BIRC6: variants seen among roughly 807,000 people sequenced by gnomAD.
BIRC6 encodes the protein dual E2 ubiquitin-conjugating enzyme/E3 ubiquitin-protein ligase BIRC6.
A neutral mutation model predicts 503.3 loss-of-function variants in BIRC6; 98 were observed. The ratio of observed to expected loss-of-function variants is 0.19; its 90% CI spans 0.17 to 0.23. BIRC6 has a LOEUF of 0.23. BIRC6 is among the 10% of genes least tolerant of loss of function. The pLI is 1.00. For synonymous variants in BIRC6, 2,240 were observed against 2,078.7 expected (o/e 1.08, Z -2.11); for missense variants, 5,360 against 5,806.0 (o/e 0.92, Z 2.50).
chr2:32,545,643 G>A lies in BIRC6; in HGVS notation c.12593G>A (p.Ser4198Asn). 1 of 1,610,572 alleles carries A rather than the reference G, an allele frequency of 6.2e-7. No homozygotes were observed. The highest frequency in any genetic ancestry group is 1.1e-5 in the South Asian group (1 of 91,022). The change falls in exon 63 of 74, where the codon AGT becomes AAT. Residue 4198 changes from serine to asparagine, a missense_variant and splice_region_variant. Physicochemically the swap from Ser to Asn is conservative, Grantham distance 46. Around this residue, in one of 16 missense-constraint regions of BIRC6, gnomAD observed 477 missense variants for 574.4 expected, o/e 0.83. Coordinates refer to ENST00000421745, the MANE Select transcript of BIRC6 (RefSeq NM_016252.4). ...GAGTCCTCTTCTTTCTTCAATCTAG[G>A]TCATATTCTTCAATCTCCATCAGCC... ...VLGVTDDGEG[S>N]HILQSPSANV...
chr2:32,405,043 A>G (rs753051951), intron 8 of BIRC6, among the ~76,000 whole-genome samples: 5 of 152,208 alleles, frequency 3.3e-5, no homozygotes, highest in African/African-American at 4.8e-5. Context: ...TCTTTGAAAT[A>G]TCAAGACACC....
intron 6 of BIRC6, 26 bp from the exon 7 acceptor site, chr2:32,401,137 C>G (rs769234283): frequency 1.3e-6 from 2 of 1,585,102 alleles, no homozygotes; most frequent in Non-Finnish European, 1.7e-6. Flanking sequence ...TTTTAGTAAA[C>G]TTTTCCTTTC....
chr2:32,361,517 A>G (rs899946443), intron 1 of BIRC6, among the ~76,000 whole-genome samples: 2 of 152,176 alleles, frequency 1.3e-5, no homozygotes, highest in Admixed American at 1.3e-4. Context: ...CTTAGCACTA[A>G]CAATCATCAT....
At position 32,401,331 on chromosome 2, in the gene BIRC6, T is replaced by C; in HGVS notation, c.1203T>C (p.Ala401=). The C allele has an allele frequency of 1.2e-6, 2 of 1,614,026 alleles. No individual in the cohort carries two copies. The highest frequency in any genetic ancestry group is 1.3e-5 in the African/African-American group (1 of 75,038). The stretch of plus-strand genomic sequence containing the variant: ...CGGGGAGCTGCCCTCATTTTCTAGC[T>C]GCTGCAACTAAACGAGGAAAGATCT... ...FGSGSCPHFL[A]AATKRGKICI... is the part of the protein sequence containing the mutation. The change falls in exon 7 of 74, where the codon GCT becomes GCC. Residue 401 remains alanine (A), a synonymous_variant. Coordinates refer to ENST00000421745, the MANE Select transcript of BIRC6 (RefSeq NM_016252.4).
At chr2:32,388,057 A>G (rs2038733225) in intron 3 of BIRC6, among the ~76,000 whole-genome samples, 2 of 152,112 alleles carry the variant, frequency 1.3e-5, no homozygotes, top group Non-Finnish European at 1.5e-5. Context: ...TTGTGATGAG[A>G]ATGTTTAAAA....
chr2:32,532,695 T>G (rs897562424), intron 61 of BIRC6, among the ~76,000 whole-genome samples: 4 of 152,164 alleles, frequency 2.6e-5, no homozygotes, highest in African/African-American at 7.2e-5. Context: ...TTCAAAAATA[T>G]AAGATGATAT....
intron 65 of BIRC6, among the ~76,000 whole-genome samples, chr2:32,552,676 T>C (rs1229112660): frequency 6.6e-6 from 1 of 152,136 alleles, no homozygotes; most frequent in Non-Finnish European, 1.5e-5. Flanking sequence ...ATTAAGTATA[T>C]TGTATTTAGT....
At chr2:32,376,229 A>G (rs11674984) in intron 1 of BIRC6, among the ~76,000 whole-genome samples, 9,881 of 151,324 alleles carry the variant, frequency 0.065, 339 homozygotes, top group Middle Eastern at 0.15. Flanking sequence ...ATCAGGAGAG[A>G]TCACTTTTTA....
At chr2:32,431,835 A>C (rs943991677) in intron 12 of BIRC6, among the ~76,000 whole-genome samples, 1 of 152,252 alleles carries the variant, frequency 6.6e-6, no homozygotes, top group Non-Finnish European at 1.5e-5. Context: ...GTAAACAGAT[A>C]CATATACCAT....
In BIRC6 at chr2:32,531,529, T is replaced by C. The variant is rs1286601625; in HGVS notation, c.12269T>C (p.Leu4090Pro). ...CTTATTGCTGAAAGACTACCCATGC[T>C]ATATCCAGAAGTAATTCAACAGGTA... ...LALIAERLPM[L>P]YPEVIQQVSA... is the part of the protein sequence containing the mutation. Residue 4090 changes from leucine to proline, a missense_variant, in exon 61 of 74, where the codon CTA (leucine) becomes CCA (proline). Leu to Pro is a moderately conservative substitution (Grantham distance 98, BLOSUM62 -3). Transcript: ENST00000421745. The C allele has an allele frequency of 1.2e-6, 2 of 1,612,812 alleles. No homozygotes were observed. The highest frequency in any genetic ancestry group is 1.1e-5 in the South Asian group (1 of 90,854).
Position 32,500,190 on chromosome 2 carries a change from T to G in BIRC6, c.9031+81T>G, listed in dbSNP as rs1353293419. On this transcript the variant is annotated intron_variant, in intron 46 of 73. Transcript: ENST00000421745. ...TTTTAAGCAATATATGGATTCATTT[T>G]CTTTTTACTTTATAGTGTAAAACTG... 2.3e-6 allele frequency: 3 copies of G among 1,284,908 alleles called. No homozygotes were observed. The East Asian group carries it at 7.0e-5, about 30-fold the overall frequency. The allele number at this position is 1,284,908 out of a possible 1,614,324, so 79.6% of individuals were successfully genotyped here.
intron 5 of BIRC6, among the ~76,000 whole-genome samples, chr2:32,393,012 C>T (rs569185741): frequency 1.3e-5 from 2 of 152,038 alleles, no homozygotes; most frequent in Admixed American, 6.6e-5. Context: ...TCTTTTGATG[C>T]ATGTTTATTT....
At chr2:32,431,192 T>A in intron 12 of BIRC6, 102 bp downstream of exon 12, 1 of 539,606 alleles carries the variant, frequency 1.9e-6, no homozygotes, top group East Asian at 3.3e-5. Context: ...TTTTTTTTTT[T>A]TTTTTTTTTT....
In BIRC6 at chr2:32,617,808, G is replaced by A; in HGVS notation, c.14478G>A (p.Glu4826=). Residue 4826 remains glutamate (E), a synonymous_variant, in exon 74 of 74, where the codon GAG becomes GAA. Coordinates refer to ENST00000421745, the MANE Select transcript of BIRC6 (RefSeq NM_016252.4). ...ATCCTGACACTGACGATGCCCCAGA[G>A]GTGTGCAGAGCCACAACAGGTGCTG... ...GLDPDTDDAP[E]VCRATTGAEE... The A allele has an allele frequency of 6.2e-7, 1 of 1,614,002 alleles. No individual in the cohort carries two copies. The highest frequency in any genetic ancestry group is 8.5e-7 in the Non-Finnish European group (1 of 1,179,892).
intron 58 of BIRC6, 67 bp from the exon 59 acceptor site, chr2:32,525,397 A>G (rs921307561): frequency 2.6e-6 from 4 of 1,541,826 alleles, no homozygotes; most frequent in African/African-American, 2.7e-5. Flanking sequence ...AAAATATTTT[A>G]GGAACACTGT....
chr2:32,407,933 T>C (rs1313803968), intron 9 of BIRC6, among the ~76,000 whole-genome samples: 1 of 152,120 alleles, frequency 6.6e-6, no homozygotes, highest in East Asian at 1.9e-4. Context: ...TGCAAAAACA[T>C]AAGAGGTTAC....
chr2:32,575,434 T>C, intron 66 of BIRC6, 68 bp downstream of exon 66: 2 of 1,452,806 alleles, frequency 1.4e-6, no homozygotes, highest in South Asian at 2.3e-5. Context: ...ACTCCATGGG[T>C]GTTTTTGTTT....
intron 22 of BIRC6, among the ~76,000 whole-genome samples, chr2:32,450,905 A>G (rs1323925327): frequency 1.3e-5 from 2 of 152,224 alleles, no homozygotes; most frequent in Non-Finnish European, 2.9e-5. Context: ...CAAGAAAAAA[A>G]GGCTGTAACA....
Position 32,578,395 on chromosome 2 carries a change from G to T in BIRC6, c.13355+3029G>T, listed in dbSNP as rs1286156307. Among the ~76,000 whole-genome samples the T allele has an allele frequency of 2.6e-5, 4 of 152,216 alleles. No homozygotes were observed. In the East Asian group the frequency reaches 7.7e-4, roughly 29 times the overall value. ...CCAACTGTATTTCACAAAAATCCTAGAATACTCTGAGAAGAGAATGATTCA... is the reference window on the plus strand; with the variant it reads ...CCAACTGTATTTCACAAAAATCCTATAATACTCTGAGAAGAGAATGATTCA... On this transcript the variant is annotated intron_variant, in intron 66 of 73. Transcript: ENST00000421745.
Sources: allele counts gnomAD v4.1 joint callset (sites outside exome capture counted in the v4.1 genomes callset), GRCh38; gene constraint gnomAD v4.1.1; regional missense constraint gnomAD v4.1.1; transcripts MANE v1.5; gene names NCBI Gene and HGNC (gene_info 2026-07-23, HGNC 2026-07-21).